Variants in GPR19 observed in about 807,000 individuals in gnomAD.
The protein encoded by GPR19 is probable G protein-coupled receptor 19.
Under a neutral mutation model 28.5 loss-of-function variants are expected in GPR19, and 14 were observed. That is an observed-to-expected ratio of 0.49 (90% CI 0.32 to 0.77). GPR19 has a LOEUF of 0.77. Among genes scored for constraint, GPR19 ranks in the 30% least tolerant of loss-of-function variants. The probability of loss-of-function intolerance (pLI) is 0.03; values close to 1 mark genes in which losing one functional copy is unlikely to be tolerated. For synonymous variants in GPR19, 173 were observed against 184.1 expected (o/e 0.94, Z 0.49); for missense variants, 409 against 504.1 (o/e 0.81, Z 1.81).
chr12:12,661,227 A>G lies in GPR19; in HGVS notation c.1222T>C (p.Ser408Pro). The G allele has an allele frequency of 6.2e-7, 1 of 1,609,152 alleles. No homozygotes were observed. Among genetic ancestry groups the G allele is most frequent in the Non-Finnish European group, 8.5e-7 (1 of 1,177,840 alleles). The change falls in exon 4 of 4, where the codon TCA (serine) becomes CCA (proline). Residue 408 changes from serine (S) to proline (P), a missense_variant. Physicochemically the swap from Ser to Pro is moderately conservative, Grantham distance 74. Coordinates refer to ENST00000651487, the MANE Select transcript of GPR19 (RefSeq NM_006143.3). The surrounding 1 kb of genome is among the most constrained non-coding windows in gnomAD (Gnocchi z 4.2). ...TAGACAAAAGTATTTGGTGGATTTG[A>G]GTTAATGGGCCAAGCAAGCTTTTTT... Reference protein sequence around the residue: ...KEKKLAWPINSNPPNTFV With the variant: ...KEKKLAWPINPNPPNTFV
the GPR19 span, among the ~76,000 whole-genome samples, chr12:12,701,795 G>A: frequency 1.3e-5 from 2 of 151,880 alleles, no homozygotes; most frequent in African/African-American, 2.4e-5. Context: ...GCTGGGTGTG[G>A]TGGTGCGTGC....
intron 2 of GPR19, among the ~76,000 whole-genome samples, chr12:12,685,814 A>C (rs1946089758): frequency 6.6e-6 from 1 of 152,194 alleles, no homozygotes; most frequent in Non-Finnish European, 1.5e-5. Context: ...AGGGTGGTGG[A>C]AAGAACTCAA....
chr12:12,705,709 C>A, the GPR19 span, among the ~76,000 whole-genome samples: 1 of 152,058 alleles, frequency 6.6e-6, no homozygotes, highest in East Asian at 1.9e-4. Context: ...CACCACACAC[C>A]CAGCTGATTT....
At chr12:12,666,333 T>C (rs1031904012) in intron 3 of GPR19, among the ~76,000 whole-genome samples, 2 of 152,150 alleles carry the variant, frequency 1.3e-5, no homozygotes, top group East Asian at 1.9e-4. Context: ...TCCAGAATGG[T>C]TGTGGTACCC....
intron 3 of GPR19, among the ~76,000 whole-genome samples, chr12:12,664,965 C>T (rs1046833652): frequency 1.2e-4 from 16 of 136,860 alleles, no homozygotes; most frequent in Non-Finnish European, 2.5e-4. Flanking sequence ...GACATAAGAT[C>T]TAAAATTAGC....
rs1321718388 is a variant in GPR19, at chr12:12,662,468, A to C, written c.-20T>G. 2 of 1,606,794 alleles carry C rather than the reference A, an allele frequency of 1.2e-6. No homozygotes were observed. The highest frequency in any genetic ancestry group is 2.7e-5 in the African/African-American group (2 of 74,686). On this transcript the variant is annotated splice_region_variant and 5_prime_UTR_variant, in exon 4 of 4. Coordinates refer to ENST00000651487, the MANE Select transcript of GPR19 (RefSeq NM_006143.3). ...AACCATATTCACTTTTTTTCTCTTA[A>C]TTCTGGTTGGGGAAAAGAAGAATGA...
rs1455018533 is a variant in GPR19, at chr12:12,670,327, C to A, written c.-22-7857G>T. Among the ~76,000 whole-genome samples the A allele has an allele frequency of 2.6e-5, 4 of 152,284 alleles. No individual in the cohort carries two copies. The East Asian group carries it at 7.7e-4, about 29-fold the overall frequency. On this transcript the variant is annotated intron_variant, in intron 3 of 3. Transcript: ENST00000651487. ...GGCAAACCTACACCCAGAATGTAAT[C>A]TTCTGCTAAAAAAATCTCATGTTTT...
intron 3 of GPR19, among the ~76,000 whole-genome samples, chr12:12,679,049 A>C (rs571459807): frequency 6.6e-6 from 1 of 152,220 alleles, no homozygotes; most frequent in East Asian, 1.9e-4. Flanking sequence ...TGCCCACCTC[A>C]GCCTCCCAAA....
intron 3 of GPR19, among the ~76,000 whole-genome samples, chr12:12,679,797 G>C (rs192206770): frequency 1.3e-5 from 2 of 152,274 alleles, no homozygotes; most frequent in South Asian, 4.2e-4. Context: ...TGGGGTTCAA[G>C]TCACTTATAA....
chr12:12,715,134 A>G, the GPR19 span: 2 of 152,232 alleles, frequency 1.3e-5, no homozygotes, highest in East Asian at 1.9e-4. Context: ...CTCCATTTAC[A>G]TACATGTGGT....
chr12:12,665,844 A>G (rs901073831), intron 3 of GPR19, among the ~76,000 whole-genome samples: 1 of 149,420 alleles, frequency 6.7e-6, no homozygotes, highest in Admixed American at 6.7e-5. Context: ...AAAAAAAAAA[A>G]AAAAGAAAAC....
intron 3 of GPR19, among the ~76,000 whole-genome samples, chr12:12,676,314 A>G (rs917728157): frequency 6.6e-6 from 1 of 152,198 alleles, no homozygotes; most frequent in Non-Finnish European, 1.5e-5. Flanking sequence ...GAGTTGGCCT[A>G]GATGATTTCT....
At chr12:12,684,277 C>G (rs1379190268) in intron 3 of GPR19, 74 bp downstream of exon 3, 1 of 152,104 alleles carries the variant, frequency 6.6e-6, no homozygotes, top group Non-Finnish European at 1.5e-5. Flanking sequence ...CTCCAAATTG[C>G]CTGGAAAAAA....
chr12:12,685,635 G>A (rs1322194156), intron 2 of GPR19, among the ~76,000 whole-genome samples: 1 of 152,200 alleles, frequency 6.6e-6, no homozygotes, highest in Non-Finnish European at 1.5e-5. Context: ...TATTCTCAGA[G>A]CCAAATTGGA....
intron 3 of GPR19, among the ~76,000 whole-genome samples, chr12:12,665,106 AACAG>A (rs1945749977): frequency 6.6e-6 from 1 of 152,074 alleles, no homozygotes; most frequent in Admixed American, 6.5e-5. Flanking sequence ...AATAAACTAA[AACAG>A]ACAATTTCCC....
At chr12:12,705,209 C>T in the GPR19 span, among the ~76,000 whole-genome samples, 1 of 148,870 alleles carries the variant, frequency 6.7e-6, no homozygotes, top group Admixed American at 6.8e-5. Flanking sequence ...CCCAGCTACT[C>T]GGGAGGTTGA....
intron 2 of GPR19, among the ~76,000 whole-genome samples, chr12:12,690,882 C>A (rs749205369): frequency 6.6e-6 from 1 of 151,990 alleles, no homozygotes; most frequent in Non-Finnish European, 1.5e-5. Context: ...GGCAATTTTG[C>A]CTTTTTGTAA....
intron 3 of GPR19, among the ~76,000 whole-genome samples, chr12:12,681,132 A>G (rs745636806): frequency 5.3e-5 from 8 of 151,760 alleles, no homozygotes; most frequent in Non-Finnish European, 1.0e-4. Context: ...TCTCAGCACA[A>G]CTCCCATGTC....
intron 3 of GPR19, among the ~76,000 whole-genome samples, chr12:12,670,450 C>T (rs987693472): frequency 3.9e-5 from 6 of 152,120 alleles, no homozygotes; most frequent in African/African-American, 9.7e-5. Context: ...GCTGGGTGAC[C>T]TTGGGCAAGT....
Sources: gnomAD v4.1 joint callset for allele counts (sites outside exome capture counted in the v4.1 genomes callset) on GRCh38, gnomAD v4.1.1 for gene constraint, Gnocchi (gnomAD v3.1) non-coding constraint, MANE v1.5 for transcripts, NCBI Gene and HGNC (gene_info 2026-07-23, HGNC 2026-07-21) for gene names.